CATSPERT: variants seen among roughly 807,000 people sequenced by gnomAD.
The protein encoded by CATSPERT is cation channel sperm-associated targeting subunit tau.
the CATSPERT span, chr2:201,619,149 C>T: frequency 1.9e-6 from 3 of 1,612,678 alleles, no homozygotes; most frequent in African/African-American, 1.3e-5. Flanking sequence ...CTTCTGCGGC[C>T]TGTCTGCGCC....
At chr2:201,545,644 A>G in the CATSPERT span, 14 of 879,378 alleles carry the variant, frequency 1.6e-5, no homozygotes, top group Non-Finnish European at 2.1e-5. Flanking sequence ...AAAAAAAAAA[A>G]AAAAAAAAAG....
the CATSPERT span, chr2:201,565,762 C>T: frequency 2.8e-5 from 45 of 1,587,188 alleles, no homozygotes; most frequent in East Asian, 4.5e-5. Flanking sequence ...TTTTTCAAGT[C>T]GCACTACAGA....
At chr2:201,590,966 T>C in the CATSPERT span, among the ~76,000 whole-genome samples, 1 of 152,238 alleles carries the variant, frequency 6.6e-6, no homozygotes, top group African/African-American at 2.4e-5. Flanking sequence ...TCTTTTGCTG[T>C]GCAAGAAGCT....
the CATSPERT span, among the ~76,000 whole-genome samples, chr2:201,582,826 A>G: frequency 6.6e-6 from 1 of 152,154 alleles, no homozygotes; most frequent in South Asian, 2.1e-4. Context: ...CCCACTCCTA[A>G]GAATCCAGGT....
chr2:201,552,083 C>T, the CATSPERT span, among the ~76,000 whole-genome samples: 1 of 151,554 alleles, frequency 6.6e-6, no homozygotes, highest in Non-Finnish European at 1.5e-5. Flanking sequence ...CTCGGCTCCA[C>T]CCCCCAGGCC....
At chr2:201,554,047 T>C in the CATSPERT span, 1 of 152,198 alleles carries the variant, frequency 6.6e-6, no homozygotes, top group African/African-American at 2.4e-5. Flanking sequence ...GCAACAAGTT[T>C]AAATTACAAC....
the CATSPERT span, among the ~76,000 whole-genome samples, chr2:201,607,172 C>T: frequency 9.9e-5 from 15 of 152,140 alleles, no homozygotes; most frequent in Non-Finnish European, 1.6e-4. Flanking sequence ...ATCAAAAAAA[C>T]ATGACCCGAT....
chr2:201,513,204 T>C, the CATSPERT span, among the ~76,000 whole-genome samples: 11 of 152,162 alleles, frequency 7.2e-5, no homozygotes, highest in African/African-American at 2.2e-4. Flanking sequence ...AAAGGACTAA[T>C]ATCCACAACC....
chr2:201,563,259 G>A, the CATSPERT span, among the ~76,000 whole-genome samples: 1 of 140,896 alleles, frequency 7.1e-6, no homozygotes, highest in South Asian at 2.2e-4. Flanking sequence ...TTCCCAGTAG[G>A]GGCGGCCGGG....
chr2:201,545,645 AAAAAAAAAG>A, the CATSPERT span: 6 of 837,280 alleles, frequency 7.2e-6, no homozygotes, highest in African/African-American at 9.2e-5. Context: ...AAAAAAAAAA[AAAAAAAAAG>A]AAAAAAAAAT....
the CATSPERT span, among the ~76,000 whole-genome samples, chr2:201,537,096 T>C: frequency 6.6e-6 from 1 of 152,136 alleles, no homozygotes; most frequent in African/African-American, 2.4e-5. Flanking sequence ...AAGTTTACAA[T>C]ATGATAAAAG....
chr2:201,503,570 A>T, the CATSPERT span, among the ~76,000 whole-genome samples: 2 of 151,982 alleles, frequency 1.3e-5, no homozygotes, highest in African/African-American at 2.4e-5. Flanking sequence ...AATTTTAAAA[A>T]TTTATTTTGT....
chr2:201,612,028 CAAAT>C, the CATSPERT span, among the ~76,000 whole-genome samples: 1 of 152,116 alleles, frequency 6.6e-6, no homozygotes, highest in Non-Finnish European at 1.5e-5. Flanking sequence ...GCCCTGTAAC[CAAAT>C]AAATAAAATC....
the CATSPERT span, among the ~76,000 whole-genome samples, chr2:201,490,609 G>A: frequency 6.6e-6 from 1 of 152,204 alleles, no homozygotes; most frequent in African/African-American, 2.4e-5. Flanking sequence ...TGGTGGGTTG[G>A]GGGAGGGGTG....
the CATSPERT span, among the ~76,000 whole-genome samples, chr2:201,515,982 C>T: frequency 3.0e-3 from 458 of 152,318 alleles, 3 homozygotes; most frequent in African/African-American, 0.01. Flanking sequence ...AATGTGAATA[C>T]ACTGAGAAAC....
the CATSPERT span, chr2:201,565,923 C>T: frequency 6.7e-7 from 1 of 1,486,612 alleles, no homozygotes. Context: ...AAGTCCACTT[C>T]CAAAATCAGT....
At chr2:201,540,711 T>C in the CATSPERT span, among the ~76,000 whole-genome samples, 1 of 152,230 alleles carries the variant, frequency 6.6e-6, no homozygotes, top group African/African-American at 2.4e-5. Flanking sequence ...CTGAGGACAT[T>C]AATGTTGCTT....
the CATSPERT span, among the ~76,000 whole-genome samples, chr2:201,588,013 C>T: frequency 6.6e-6 from 1 of 151,944 alleles, no homozygotes; most frequent in East Asian, 1.9e-4. Flanking sequence ...AATAGCCTAC[C>T]AACCAGAAAA....
the CATSPERT span, among the ~76,000 whole-genome samples, chr2:201,499,645 G>A: frequency 6.6e-6 from 1 of 151,732 alleles, no homozygotes; most frequent in Non-Finnish European, 1.5e-5. Context: ...ATCAGCCTGA[G>A]CAACATGGAA....
Sources: allele counts gnomAD v4.1 joint callset (sites outside exome capture counted in the v4.1 genomes callset), GRCh38; gene constraint gnomAD v4.1.1; transcripts MANE v1.5; gene names NCBI Gene and HGNC (gene_info 2026-07-23, HGNC 2026-07-21).